Variants in SCAPER observed in about 807,000 individuals in gnomAD.
The protein encoded by SCAPER is S phase cyclin A-associated protein in the endoplasmic reticulum.
Under a neutral mutation model 182.2 loss-of-function variants are expected in SCAPER, and 98 were observed. The observed-to-expected ratio is 0.54, with a 90% confidence interval of 0.46 to 0.64. The LOEUF (loss-of-function observed/expected upper bound fraction) is 0.64. Ranked by LOEUF, SCAPER falls within the 30% of genes least tolerant of loss-of-function variation. The pLI, the probability that SCAPER is intolerant of heterozygous loss-of-function variation, is 0.00. For synonymous variants in SCAPER, 605 were observed against 564.6 expected (o/e 1.07, Z -1.01); for missense variants, 1,432 against 1,690.0 (o/e 0.85, Z 2.68).
chr15:76,695,889 G>T (rs1442493132), intron 20 of SCAPER, among the ~76,000 whole-genome samples: 1 of 152,034 alleles, frequency 6.6e-6, no homozygotes, highest in Non-Finnish European at 1.5e-5. Flanking sequence ...CAAGTCAATG[G>T]AAGCTATGCC....
At chr15:76,617,263 T>C (rs1023797288) in intron 22 of SCAPER, among the ~76,000 whole-genome samples, 27 of 152,230 alleles carry the variant, frequency 1.8e-4, no homozygotes, top group African/African-American at 5.8e-4. Flanking sequence ...TTTTACAGTT[T>C]CATGTTTTTA....
At chr15:76,537,124 T>A (rs2044243241) in intron 23 of SCAPER, among the ~76,000 whole-genome samples, 1 of 151,602 alleles carries the variant, frequency 6.6e-6, no homozygotes, top group South Asian at 2.1e-4. Context: ...ATCAATATCG[T>A]GAAAATGGCC....
intron 27 of SCAPER, among the ~76,000 whole-genome samples, chr15:76,388,267 C>T (rs1024693827): frequency 2.0e-5 from 3 of 152,126 alleles, no homozygotes; most frequent in African/African-American, 7.2e-5. Flanking sequence ...AGACACGTTA[C>T]TAGAAAGCAT....
chr15:76,873,315 AAGGAAGGAAGGAAGGAAGGCAGGCAGGC>A (rs1243496179), intron 2 of SCAPER, among the ~76,000 whole-genome samples: 40 of 122,306 alleles, frequency 3.3e-4, no homozygotes, highest in East Asian at 1.2e-3. Flanking sequence ...GGAAGGAAGG[AAGGAAGGAAGGAAGGAAGGCAGGCAGGC>A]AGGCAGGCAG....
At chr15:76,605,297 T>G in intron 22 of SCAPER, among the ~76,000 whole-genome samples, 1 of 152,098 alleles carries the variant, frequency 6.6e-6, no homozygotes, top group Non-Finnish European at 1.5e-5. Flanking sequence ...GTTTTTGTCT[T>G]TGGTTCTGTT....
intron 20 of SCAPER, among the ~76,000 whole-genome samples, chr15:76,673,693 T>C (rs2057181660): frequency 1.3e-5 from 2 of 152,150 alleles, no homozygotes; most frequent in African/African-American, 2.4e-5. Context: ...TCTCTGATTA[T>C]GGTCTTGAAA....
chr15:76,875,420 G>A (rs889192672), intron 2 of SCAPER, among the ~76,000 whole-genome samples: 1 of 152,162 alleles, frequency 6.6e-6, no homozygotes, highest in African/African-American at 2.4e-5. Flanking sequence ...AAAGTAGGCG[G>A]ATCACTTGAG....
intron 2 of SCAPER, among the ~76,000 whole-genome samples, chr15:76,871,998 AGAG>A (rs2072766787): frequency 6.6e-6 from 1 of 152,218 alleles, no homozygotes; most frequent in African/African-American, 2.4e-5. Flanking sequence ...TAAAAATAAA[AGAG>A]GAAAAACAAA....
chr15:76,458,679 C>T (rs959909906), intron 25 of SCAPER, among the ~76,000 whole-genome samples: 4 of 152,140 alleles, frequency 2.6e-5, no homozygotes, highest in Non-Finnish European at 5.9e-5. Flanking sequence ...GAACATTTCA[C>T]GACCTGTCTT....
At chr15:76,365,013 C>A (rs1390118482) in intron 29 of SCAPER, among the ~76,000 whole-genome samples, 1 of 152,050 alleles carries the variant, frequency 6.6e-6, no homozygotes, top group Non-Finnish European at 1.5e-5. Flanking sequence ...AATTATTTCC[C>A]CCAGCCCCGA....
At chr15:76,397,245 T>C (rs1206539204) in intron 27 of SCAPER, among the ~76,000 whole-genome samples, 1 of 152,126 alleles carries the variant, frequency 6.6e-6, no homozygotes, top group Non-Finnish European at 1.5e-5. Context: ...TGAGGATTTC[T>C]GCATTAATAT....
chr15:76,588,786 G>C (rs1477242119), intron 22 of SCAPER, among the ~76,000 whole-genome samples: 1 of 152,148 alleles, frequency 6.6e-6, no homozygotes, highest in African/African-American at 2.4e-5. Context: ...GTGGTGGCTA[G>C]TGTGATTTTT....
chr15:76,634,784 T>A (rs984937165), intron 21 of SCAPER, among the ~76,000 whole-genome samples: 1 of 152,184 alleles, frequency 6.6e-6, no homozygotes, highest in Non-Finnish European at 1.5e-5. Context: ...TATTTTTGTA[T>A]GTTGATCTTG....
At chr15:76,631,145 A>T (rs1377732353) in intron 21 of SCAPER, among the ~76,000 whole-genome samples, 3 of 151,970 alleles carry the variant, frequency 2.0e-5, no homozygotes, top group Admixed American at 1.3e-4. Context: ...TTGCTTGGTA[A>T]ATTTTCCTCC....
intron 5 of SCAPER, among the ~76,000 whole-genome samples, chr15:76,818,554 A>T: frequency 6.6e-6 from 1 of 152,240 alleles, no homozygotes. Context: ...CATACAAGAG[A>T]CACTGTTATC....
intron 15 of SCAPER, among the ~76,000 whole-genome samples, chr15:76,734,598 G>A (rs191386804): frequency 7.2e-4 from 110 of 152,280 alleles, no homozygotes; most frequent in African/African-American, 2.6e-3. Context: ...TACAAGATAG[G>A]CCAGGTGTGG....
chr15:76,500,631 G>C (rs532048336), intron 24 of SCAPER, among the ~76,000 whole-genome samples: 1 of 152,076 alleles, frequency 6.6e-6, no homozygotes, highest in Non-Finnish European at 1.5e-5. Flanking sequence ...TCTTATTTAC[G>C]TAACATGGGC....
intron 23 of SCAPER, among the ~76,000 whole-genome samples, chr15:76,554,811 G>C (rs2046067054): frequency 6.8e-6 from 1 of 146,464 alleles, no homozygotes; most frequent in Non-Finnish European, 1.5e-5. Context: ...TTTTGAGACA[G>C]AGTCACCAGG....
chr15:76,759,100 A>G (rs552941572), intron 14 of SCAPER, among the ~76,000 whole-genome samples: 1 of 152,194 alleles, frequency 6.6e-6, no homozygotes, highest in South Asian at 2.1e-4. Flanking sequence ...TATTTCTAGT[A>G]CTATGTTGGA....
Sources: gnomAD v4.1 joint callset for allele counts (sites outside exome capture counted in the v4.1 genomes callset) on GRCh38, gnomAD v4.1.1 for gene constraint, MANE v1.5 for transcripts, NCBI Gene and HGNC (gene_info 2026-07-23, HGNC 2026-07-21) for gene names.